Variants in DGKB observed in about 807,000 individuals in gnomAD.
The protein encoded by DGKB is 90 kDa diacylglycerol kinase.
A neutral mutation model predicts 114.3 loss-of-function variants in DGKB; 67 were observed. The observed-to-expected ratio is 0.59, with a 90% CI of 0.48 to 0.72. The LOEUF is 0.72. Among genes scored for constraint, DGKB ranks in the 30% least tolerant of loss-of-function variants. DGKB has a pLI of 0.00. For synonymous variants in DGKB, 398 were observed against 323.1 expected (o/e 1.23, Z -2.49); for missense variants, 907 against 975.2 (o/e 0.93, Z 0.93).
intron 6 of DGKB, among the ~76,000 whole-genome samples, chr7:14,706,870 A>T (rs1826341638): frequency 7.9e-6 from 1 of 126,014 alleles, no homozygotes; most frequent in African/African-American, 3.1e-5. Flanking sequence ...AGCAGGAAAG[A>T]TCCAAAATTG....
chr7:14,589,348 T>C (rs973636564), intron 17 of DGKB, among the ~76,000 whole-genome samples: 1 of 151,990 alleles, frequency 6.6e-6, no homozygotes, highest in African/African-American at 2.4e-5. Context: ...AATGGTATTA[T>C]TAGTAATCTC....
At position 14,567,375 on chromosome 7, in the gene DGKB, ATTT is replaced by A. The variant is rs1797665354; in HGVS notation, c.1770+6834_1770+6836del. ...TATAATTATATTATATATATTATAT[ATTT>A]ATATATTATATATATAATTATATTA... On this transcript the variant is annotated intron_variant, in intron 20 of 25. Transcript: ENST00000402815. Among the ~76,000 whole-genome samples, 2 of 36,450 alleles carry A rather than the reference ATTT, an allele frequency of 5.5e-5. 1 individual carries two copies. The highest frequency in any genetic ancestry group is 2.3e-4 in the African/African-American group (2 of 8,800). 23.9% of individuals were successfully genotyped at this position (36,450 alleles called of 152,430 possible).
At chr7:14,219,982 C>T (rs1248302975) in intron 23 of DGKB, among the ~76,000 whole-genome samples, 3 of 151,600 alleles carry the variant, frequency 2.0e-5, no homozygotes, top group Non-Finnish European at 4.4e-5. Context: ...GGACTACTTT[C>T]TGAGAAATGC....
intron 23 of DGKB, among the ~76,000 whole-genome samples, chr7:14,327,426 T>C: frequency 6.6e-6 from 1 of 152,092 alleles, no homozygotes; most frequent in South Asian, 2.1e-4. Context: ...AAACAGAAAA[T>C]ATATTAACAA....
chr7:14,238,229 A>G (rs1033659928), intron 23 of DGKB, among the ~76,000 whole-genome samples: 7 of 151,930 alleles, frequency 4.6e-5, no homozygotes, highest in African/African-American at 1.4e-4. Context: ...GATCACGGGG[A>G]GGATTTCCCC....
intron 23 of DGKB, among the ~76,000 whole-genome samples, chr7:14,188,909 T>TTAGTTGAGAATATTATATAAAG (rs1783885716): frequency 1.3e-5 from 2 of 151,938 alleles, no homozygotes; most frequent in South Asian, 4.1e-4. Context: ...AAAAAAGCTG[T>TTAGTTGAGAATATTATATAAAG]CAGTTGAGAA....
intron 20 of DGKB, among the ~76,000 whole-genome samples, chr7:14,527,441 G>T (rs1419055261): frequency 2.6e-5 from 4 of 151,876 alleles, no homozygotes; most frequent in East Asian, 3.9e-4. Flanking sequence ...TCATTCACTG[G>T]TGAAAAAAGG....
intron 21 of DGKB, among the ~76,000 whole-genome samples, chr7:14,406,999 T>C (rs935585983): frequency 2.0e-5 from 3 of 152,058 alleles, no homozygotes; most frequent in Admixed American, 6.6e-5. Flanking sequence ...AAGATGCTTA[T>C]AGTTATGAAA....
At chr7:14,421,435 T>C (rs942489939) in intron 21 of DGKB, among the ~76,000 whole-genome samples, 5 of 152,138 alleles carry the variant, frequency 3.3e-5, no homozygotes, top group African/African-American at 1.2e-4. Context: ...ATAAAGTGCA[T>C]AGTAAACTGT....
At chr7:14,959,221 C>T (rs985839115) in intron 1 of DGKB, among the ~76,000 whole-genome samples, 1 of 151,740 alleles carries the variant, frequency 6.6e-6, no homozygotes, top group Admixed American at 6.6e-5. Flanking sequence ...ATAATTAGTA[C>T]ATTTATTGAT....
intron 17 of DGKB, among the ~76,000 whole-genome samples, chr7:14,591,023 C>A (rs576246102): frequency 2.0e-5 from 3 of 152,180 alleles, no homozygotes; most frequent in Non-Finnish European, 4.4e-5. Flanking sequence ...GCCTACAGCA[C>A]TGGAGACACA....
At chr7:14,355,596 T>C (rs994009368) in intron 21 of DGKB, among the ~76,000 whole-genome samples, 2 of 152,240 alleles carry the variant, frequency 1.3e-5, no homozygotes, top group African/African-American at 4.8e-5. Context: ...TTTGTGTATG[T>C]TGAACCAGCC....
At chr7:14,729,123 CTT>C (rs1162368398) in intron 5 of DGKB, among the ~76,000 whole-genome samples, 26 of 113,346 alleles carry the variant, frequency 2.3e-4, no homozygotes, top group Admixed American at 2.9e-4. Flanking sequence ...CATTTTCTTT[CTT>C]TTTTTTTTTT....
chr7:14,627,252 G>C (rs772542494), intron 14 of DGKB, among the ~76,000 whole-genome samples: 17 of 152,094 alleles, frequency 1.1e-4, no homozygotes, highest in Non-Finnish European at 2.2e-4. Context: ...GGTGATTTGG[G>C]TGGTGTCTTT....
At chr7:14,359,101 G>GATATATATATATATAT (rs144055630) in intron 21 of DGKB, among the ~76,000 whole-genome samples, 1 of 149,566 alleles carries the variant, frequency 6.7e-6, no homozygotes, top group African/African-American at 2.5e-5. Flanking sequence ...TACCAAAACA[G>GATATATATATATATAT]ATATATATAT....
intron 8 of DGKB, 90 bp from the exon 9 acceptor site, chr7:14,694,284 A>G: frequency 8.6e-7 from 1 of 1,163,372 alleles, no homozygotes; most frequent in South Asian, 1.5e-5. Context: ...CTAACAGCTA[A>G]GTGGAGAGTT....
chr7:14,324,832 G>A (rs1238777935), intron 23 of DGKB, among the ~76,000 whole-genome samples: 1 of 33,692 alleles, frequency 3.0e-5, no homozygotes, highest in African/African-American at 4.0e-4. Flanking sequence ...GTCCTGCAAT[G>A]AGACAATGGA....
At chr7:14,336,758 A>C (rs1810749204) in intron 23 of DGKB, among the ~76,000 whole-genome samples, 1 of 152,146 alleles carries the variant, frequency 6.6e-6, no homozygotes, top group Admixed American at 6.6e-5. Context: ...AGCCCAGGTA[A>C]ATGACATGTA....
At chr7:14,505,183 A>C (rs1286531447) in intron 20 of DGKB, among the ~76,000 whole-genome samples, 1 of 152,206 alleles carries the variant, frequency 6.6e-6, no homozygotes, top group African/African-American at 2.4e-5. Flanking sequence ...GGCCAGCTGC[A>C]GTGGCTTACA....
Sources: gnomAD v4.1 joint callset for allele counts (sites outside exome capture counted in the v4.1 genomes callset) on GRCh38, gnomAD v4.1.1 for gene constraint, MANE v1.5 for transcripts, NCBI Gene and HGNC (gene_info 2026-07-23, HGNC 2026-07-21) for gene names.